Variants in DYNC2H1 observed in about 807,000 individuals in gnomAD.
DYNC2H1 encodes dynein cytoplasmic 2 heavy chain 1, also known as cytoplasmic dynein 2 heavy chain 1.
In DYNC2H1, 410 loss-of-function variants were observed where a neutral mutation model predicts 570.0. The observed-to-expected ratio is 0.72, with a 90% CI of 0.66 to 0.78. The LOEUF (loss-of-function observed/expected upper bound fraction) is 0.78. Among genes scored for constraint, DYNC2H1 ranks in the 30% least tolerant of loss-of-function variants. The pLI, the probability that DYNC2H1 is intolerant of heterozygous loss-of-function variation, is 0.00. For missense variants in DYNC2H1, 4,865 were observed against 5,046.4 expected (o/e 0.96, Z 1.09); for synonymous variants, 1,688 against 1,677.6 (o/e 1.01, Z -0.15).
At chr11:103,242,164 T>C (rs1864446498) in intron 63 of DYNC2H1, among the ~76,000 whole-genome samples, 1 of 152,112 alleles carries the variant, frequency 6.6e-6, no homozygotes, top group Non-Finnish European at 1.5e-5. Context: ...AACACATACA[T>C]ACTATTTTAT....
chr11:103,247,387 G>A (rs1266238039), intron 65 of DYNC2H1, among the ~76,000 whole-genome samples: 1 of 152,014 alleles, frequency 6.6e-6, no homozygotes, highest in African/African-American at 2.4e-5. Context: ...GTGATTAATT[G>A]TTGTCTCTGT....
intron 82 of DYNC2H1, among the ~76,000 whole-genome samples, chr11:103,333,030 A>G (rs1199629206): frequency 1.8e-5 from 2 of 112,562 alleles, no homozygotes; most frequent in African/African-American, 3.2e-5. Flanking sequence ...TCTTAAATAA[A>G]ACAGAATTTA....
rs11225600 is a variant in DYNC2H1, at chr11:103,198,212, G to A, written c.7839+149G>A. The A allele has an allele frequency of 0.059, 53,901 of 908,772 alleles. 1,991 individuals are homozygous for A. The highest frequency in any genetic ancestry group is 0.069 in the Non-Finnish European group (42,679 of 621,282). The allele number at this position is 908,772 out of a possible 1,614,324, so 56.3% of individuals were successfully genotyped here. ...CTTTTGGAATTTAGTCCATTGTGGC[G>A]GATGTAACGAGATGTGCCTGTACTT... On this transcript the variant is annotated intron_variant, in intron 48 of 88. Coordinates refer to ENST00000375735, the MANE Select transcript of DYNC2H1 (RefSeq NM_001377.3).
intron 84 of DYNC2H1, among the ~76,000 whole-genome samples, chr11:103,421,962 AAGAG>A (rs1943504671): frequency 6.6e-6 from 1 of 152,068 alleles, no homozygotes; most frequent in South Asian, 2.1e-4. Flanking sequence ...TAAAGAAGAA[AAGAG>A]AGAAGAATCT....
At chr11:103,477,052 G>A (rs1020644563) in intron 88 of DYNC2H1, among the ~76,000 whole-genome samples, 1 of 152,158 alleles carries the variant, frequency 6.6e-6, no homozygotes, top group Non-Finnish European at 1.5e-5. Flanking sequence ...CATCCTGTGA[G>A]GTGGGTAAGT....
chr11:103,317,770 T>A (rs2135430482), intron 80 of DYNC2H1, among the ~76,000 whole-genome samples: 1 of 152,252 alleles, frequency 6.6e-6, no homozygotes, highest in Non-Finnish European at 1.5e-5. Flanking sequence ...AGAAGAGAAT[T>A]GCTTCTGGAG....
chr11:103,405,288 G>A (rs1486675344), intron 84 of DYNC2H1: 1 of 151,804 alleles, frequency 6.6e-6, no homozygotes, highest in African/African-American at 2.4e-5. Flanking sequence ...TGTAATGAGG[G>A]CTGATCAGAC....
At chr11:103,357,237 A>C (rs933360399) in intron 82 of DYNC2H1, among the ~76,000 whole-genome samples, 1 of 150,946 alleles carries the variant, frequency 6.6e-6, no homozygotes, top group Non-Finnish European at 1.5e-5. Context: ...TTATTTTAGA[A>C]AAAAAAGTGA....
chr11:103,196,073 G>A (rs55657344), intron 47 of DYNC2H1, among the ~76,000 whole-genome samples: 13,447 of 152,188 alleles, frequency 0.088, 776 homozygotes, highest in Non-Finnish European at 0.12. Context: ...ATTGTGGAGG[G>A]CCATCATTAG....
chr11:103,280,351 G>A lies in DYNC2H1; in HGVS notation c.10699G>A (p.Asp3567Asn), dbSNP rs1179976774. ...EYICRCLFKA[D>N]QLMFALHFVR... ...TAATATCTGTTATTCTTTGCAGGCT[G>A]ATCAGTTGATGTTCGCTTTGCATTT... Residue 3567 changes from aspartate (D) to asparagine (N), a missense_variant, in exon 71 of 89, where the codon GAT becomes AAT. Asp to Asn is a conservative substitution (Grantham distance 23). Transcript: ENST00000375735. The surrounding 1 kb of genome is among the most constrained non-coding windows in gnomAD (Gnocchi z 4.7). 1 of 1,554,424 alleles carries A rather than the reference G, an allele frequency of 6.4e-7. No homozygotes were observed.
At chr11:103,154,868 T>A in intron 24 of DYNC2H1, 59 bp downstream of exon 24, 1 of 1,240,592 alleles carries the variant, frequency 8.1e-7, no homozygotes, top group Non-Finnish European at 1.1e-6. Context: ...TCATCTTATG[T>A]AGTGACTGAA....
At chr11:103,270,575 T>C (rs71480475) in intron 70 of DYNC2H1, among the ~76,000 whole-genome samples, 1 of 141,240 alleles carries the variant, frequency 7.1e-6, no homozygotes, top group African/African-American at 2.6e-5. Context: ...TATGATGTGG[T>C]ACCTCTCTCT....
At chr11:103,380,279 T>C (rs1941585039) in intron 83 of DYNC2H1, among the ~76,000 whole-genome samples, 1 of 152,210 alleles carries the variant, frequency 6.6e-6, no homozygotes, top group African/African-American at 2.4e-5. Flanking sequence ...TTCTTAGGTT[T>C]CTCATGTGTA....
intron 80 of DYNC2H1, 49 bp from the exon 81 acceptor site, chr11:103,320,980 A>G (rs1341934254): frequency 7.2e-7 from 1 of 1,391,256 alleles, no homozygotes; most frequent in East Asian, 2.5e-5. Context: ...GCAGGAATTT[A>G]GTTAATATTT....
At chr11:103,400,559 G>A (rs1942595677) in intron 84 of DYNC2H1, among the ~76,000 whole-genome samples, 1 of 152,066 alleles carries the variant, frequency 6.6e-6, no homozygotes, top group Non-Finnish European at 1.5e-5. Flanking sequence ...AATATGGGAT[G>A]TTCTGCACAG....
chr11:103,159,490 C>A (rs564194128), intron 28 of DYNC2H1, among the ~76,000 whole-genome samples: 1 of 151,884 alleles, frequency 6.6e-6, no homozygotes, highest in Admixed American at 6.6e-5. Context: ...AGTGAAGAGA[C>A]CTAGGTGAGA....
intron 65 of DYNC2H1, among the ~76,000 whole-genome samples, chr11:103,251,792 T>A (rs1864841388): frequency 1.3e-5 from 2 of 152,206 alleles, no homozygotes; most frequent in Admixed American, 1.3e-4. Context: ...TCTGGCCTAC[T>A]TTACTTTGTA....
At chr11:103,182,437 GA>G (rs1322311002) in intron 40 of DYNC2H1, among the ~76,000 whole-genome samples, 1 of 151,626 alleles carries the variant, frequency 6.6e-6, no homozygotes, top group African/African-American at 2.4e-5. Flanking sequence ...CAAAAACATT[GA>G]ATATCTAATA....
Position 103,346,883 on chromosome 11 carries a change from A to T in DYNC2H1, c.12040-11360A>T, listed in dbSNP as rs533190716. Among the ~76,000 whole-genome samples, 7 of 152,324 alleles carry T rather than the reference A, an allele frequency of 4.6e-5. No homozygotes were observed. In the South Asian group the frequency reaches 1.4e-3, roughly 32 times the overall value. On this transcript the variant is annotated intron_variant, in intron 82 of 88. Transcript: ENST00000375735. Reference sequence around the variant, plus strand: ...AATAAAATAATTGGTTCAGACAATTATTATCAAAGGTTGAATCCATTAGAT... The same window carrying T: ...AATAAAATAATTGGTTCAGACAATTTTTATCAAAGGTTGAATCCATTAGAT...
Sources: gnomAD v4.1 joint callset for allele counts (sites outside exome capture counted in the v4.1 genomes callset) on GRCh38, gnomAD v4.1.1 for gene constraint, Gnocchi (gnomAD v3.1) non-coding constraint, MANE v1.5 for transcripts, NCBI Gene and HGNC (gene_info 2026-07-23, HGNC 2026-07-21) for gene names.